FBXO11: variants seen among roughly 807,000 people sequenced by gnomAD.
The protein encoded by FBXO11 is F-box only protein 11.
Under a neutral mutation model 117.0 loss-of-function variants are expected in FBXO11, and 13 were observed. That is an observed-to-expected ratio of 0.11 (90% CI 0.07 to 0.18). The LOEUF (loss-of-function observed/expected upper bound fraction) is 0.18. Ranked by LOEUF, FBXO11 falls within the 10% of genes least tolerant of loss-of-function variation. The pLI is 1.00. For missense variants in FBXO11, 767 were observed against 1,164.4 expected, an observed-to-expected ratio of 0.66 and a Z score of 4.97; for synonymous variants, 490 against 380.5, an observed-to-expected ratio of 1.29 and a Z score of -3.35.
At position 47,809,259 on chromosome 2, in the gene FBXO11, TTTG is replaced by T; in HGVS notation, c.2451_2453del (p.Asn817del). 1.9e-6 allele frequency: 3 copies of T among 1,564,414 alleles called. No homozygotes were observed. The highest frequency in any genetic ancestry group is 1.7e-6 in the Non-Finnish European group (2 of 1,144,846). On this transcript the variant is annotated inframe_deletion, in exon 21 of 23. Transcript: ENST00000403359. ...CTATGGCATCTTGATTGTTCATTAT[TTTG>T]TTATCTGTAATAAAAGAAAGAATAA...
intron 11 of FBXO11, among the ~76,000 whole-genome samples, chr2:47,827,779 C>A (rs1462833465): frequency 6.6e-6 from 1 of 151,742 alleles, no homozygotes; most frequent in Non-Finnish European, 1.5e-5. Flanking sequence ...TCATTGCAAC[C>A]TCCAAATCCC....
chr2:47,857,430 A>G (rs978921755), intron 1 of FBXO11, among the ~76,000 whole-genome samples: 13 of 152,132 alleles, frequency 8.5e-5, no homozygotes, highest in African/African-American at 2.9e-4. Flanking sequence ...CAGAAATTTT[A>G]TGGTCTCATA....
At position 47,809,710 on chromosome 2, in the gene FBXO11, G is replaced by A. The variant is rs1670475380; in HGVS notation, c.2339-3C>T. 2 of 1,601,470 alleles carry A rather than the reference G, an allele frequency of 1.2e-6. No homozygotes were observed. The highest frequency in any genetic ancestry group is 1.7e-6 in the Non-Finnish European group (2 of 1,169,700). On this transcript the variant is annotated splice_polypyrimidine_tract_variant and splice_region_variant and intron_variant, in intron 19 of 22. Coordinates refer to ENST00000403359, the MANE Select transcript of FBXO11 (RefSeq NM_001190274.2). ...TGCGTGATTTGTAATTTCAATACCTGAAGTAAAATTTACAAACAAGTAGAT... is the reference window on the plus strand; with the variant it reads ...TGCGTGATTTGTAATTTCAATACCTAAAGTAAAATTTACAAACAAGTAGAT...
intron 1 of FBXO11, among the ~76,000 whole-genome samples, chr2:47,840,005 G>A (rs1374540264): frequency 2.6e-5 from 4 of 150,958 alleles, no homozygotes; most frequent in Admixed American, 1.3e-4. Context: ...GTGCAGTGGC[G>A]CAATCTCGGC....
intron 18 of FBXO11, chr2:47,810,658 T>C (rs1572759131): frequency 2.5e-6 from 1 of 403,180 alleles, no homozygotes; most frequent in Non-Finnish European, 4.4e-6. Flanking sequence ...ATCTCCATGA[T>C]AGCAGGGTCC....
rs140215514 is a variant in FBXO11 at position 47,836,268 on chromosome 2, G to A, written c.588-267C>T. On this transcript the variant is annotated intron_variant, in intron 4 of 22. Coordinates refer to ENST00000403359, the MANE Select transcript of FBXO11 (RefSeq NM_001190274.2). ...AGCCTCCTGAGTAGCTGAGATTATG[G>A]GCATGTGTCACCACGCACAGCTAAA... 3.7e-3 allele frequency among the ~76,000 whole-genome samples: 556 copies of A among 152,000 alleles called. 5 individuals carry two copies. The highest frequency in any genetic ancestry group is 0.013 in the African/African-American group (525 of 41,426).
Position 47,905,672 on chromosome 2 carries a change from G to A in FBXO11, c.49C>T (p.Pro17Ser), listed in dbSNP as rs1678755786. The change falls in exon 1 of 23, where the codon CCG becomes TCG. Residue 17 changes from proline (P) to serine (S), a missense_variant. Transcript: ENST00000403359. Reference protein sequence around the residue: ...ANRRPRRVSRPRPVQQQQQQP... With the variant: ...ANRRPRRVSRSRPVQQQQQQP... ...TGCTGCTGTTGCTGCACCGGGCGCGGCCGCGACACTCGCCTGGGTCTCCGG... is the reference window on the plus strand; with the variant it reads ...TGCTGCTGTTGCTGCACCGGGCGCGACCGCGACACTCGCCTGGGTCTCCGG... 1 of 1,506,738 alleles carries A rather than the reference G, an allele frequency of 6.6e-7. No homozygotes were observed. Among genetic ancestry groups the A allele is most frequent in the Non-Finnish European group, 8.8e-7 (1 of 1,129,962 alleles). The allele number at this position is 1,506,738 out of a possible 1,614,324, so 93.3% of individuals were successfully genotyped here. A position where few individuals can be genotyped will look rare whatever the true frequency, so the allele number is the denominator to read the frequency against.
At position 47,854,221 on chromosome 2, in the gene FBXO11, G is replaced by A. The variant is rs562891476; in HGVS notation, c.233-14452C>T. ...ATTCTTTTTTTCTTTTTTTTGAGAC[G>A]GAGTCTCGCTCTGTCACCCAGGCTG... On this transcript the variant is annotated intron_variant, in intron 1 of 22. Transcript: ENST00000403359. Among the ~76,000 whole-genome samples the A allele has an allele frequency of 1.3e-4, 20 of 150,826 alleles. No homozygotes were observed. The South Asian group carries it at 3.6e-3, about 27-fold the overall frequency.
At chr2:47,874,085 G>T (rs1030816193) in intron 1 of FBXO11, among the ~76,000 whole-genome samples, 1 of 152,032 alleles carries the variant, frequency 6.6e-6, no homozygotes, top group African/African-American at 2.4e-5. Flanking sequence ...ATGGTGGCGG[G>T]CACCTGTAAT....
chr2:47,820,513 G>T, intron 13 of FBXO11, 57 bp from the exon 14 acceptor site: 2 of 1,340,252 alleles, frequency 1.5e-6, no homozygotes, highest in South Asian at 2.4e-5. Flanking sequence ...AATACAGTAA[G>T]GATTTTACAT....
At chr2:47,831,515 G>A (rs996050976) in intron 11 of FBXO11, among the ~76,000 whole-genome samples, 3 of 146,152 alleles carry the variant, frequency 2.1e-5, no homozygotes, top group African/African-American at 7.5e-5. Flanking sequence ...GCTTAATATT[G>A]TATAATAGGC....
intron 11 of FBXO11, among the ~76,000 whole-genome samples, chr2:47,826,011 CTTT>C (rs1372246712): frequency 6.6e-6 from 1 of 151,982 alleles, no homozygotes; most frequent in African/African-American, 2.4e-5. Flanking sequence ...TTTTTGTTTT[CTTT>C]AGGTTTTGAT....
chr2:47,850,924 A>G (rs941267476), intron 1 of FBXO11, among the ~76,000 whole-genome samples: 14 of 152,206 alleles, frequency 9.2e-5, no homozygotes, highest in African/African-American at 3.1e-4. Flanking sequence ...TTCACGTTCA[A>G]TATTTCCTAA....
intron 1 of FBXO11, among the ~76,000 whole-genome samples, chr2:47,886,860 C>T (rs182330507): frequency 3.9e-5 from 6 of 152,114 alleles, no homozygotes; most frequent in African/African-American, 1.4e-4. Flanking sequence ...ACAATGAGAC[C>T]CCTGTCTCTA....
At chr2:47,899,700 G>T (rs1558485175) in intron 1 of FBXO11, among the ~76,000 whole-genome samples, 1 of 152,098 alleles carries the variant, frequency 6.6e-6, no homozygotes, top group Non-Finnish European at 1.5e-5. Context: ...ACTACAATTT[G>T]GGGAATACTT....
rs1670986443 is a variant in FBXO11 at position 47,816,091 on chromosome 2, T to C, written c.2007-2224A>G. On this transcript the variant is annotated intron_variant, in intron 16 of 22. Transcript: ENST00000403359. ...GGCGGTGAGAACCCTGGCGACCCCTTGGGTTGCACCTCTGCCAGTACTACA... is the reference window on the plus strand; with the variant it reads ...GGCGGTGAGAACCCTGGCGACCCCTCGGGTTGCACCTCTGCCAGTACTACA... 2.0e-5 allele frequency among the ~76,000 whole-genome samples: 3 copies of C among 152,286 alleles called. No homozygotes were observed. The South Asian group carries it at 6.2e-4, about 32-fold the overall frequency.
intron 13 of FBXO11, among the ~76,000 whole-genome samples, chr2:47,820,987 A>T (rs1397844034): frequency 6.6e-6 from 1 of 152,266 alleles, no homozygotes. Flanking sequence ...CTAAAACTTT[A>T]ATGAGGAATA....
intron 17 of FBXO11, 57 bp downstream of exon 17, chr2:47,813,734 A>C (rs990549620): frequency 6.9e-7 from 1 of 1,447,266 alleles, no homozygotes; most frequent in Non-Finnish European, 9.6e-7. Flanking sequence ...TGCCCGGCCT[A>C]GAAGGTGTAT....
chr2:47,839,409 C>G lies in FBXO11; in HGVS notation c.442+10G>C, dbSNP rs368019046. ...TTTTACCCTATTTGTTACTTTCCCA[C>G]AGGAAATACCTGATAGATCTTGTGA... On this transcript the variant is annotated intron_variant, in intron 3 of 22. Coordinates refer to ENST00000403359, the MANE Select transcript of FBXO11 (RefSeq NM_001190274.2). 5.0e-6 allele frequency: 8 copies of G among 1,597,218 alleles called. No homozygotes were observed. Among genetic ancestry groups the G allele is most frequent in the African/African-American group, 1.4e-5 (1 of 73,746 alleles).
Sources: allele counts gnomAD v4.1 joint callset (sites outside exome capture counted in the v4.1 genomes callset), GRCh38; gene constraint gnomAD v4.1.1; transcripts MANE v1.5; gene names NCBI Gene and HGNC (gene_info 2026-07-23, HGNC 2026-07-21).